Variants in SGCZ observed in about 807,000 individuals in gnomAD.
SGCZ encodes sarcoglycan zeta, also known as zeta-sarcoglycan.
A neutral mutation model predicts 41.3 loss-of-function variants in SGCZ; 40 were observed. The observed-to-expected ratio is 0.97, with a 90% confidence interval of 0.75 to 1.26. The LOEUF (loss-of-function observed/expected upper bound fraction) is 1.26. SGCZ is among the 50% of genes most tolerant of loss of function. The pLI is 0.00. For missense variants in SGCZ, 552 were observed against 369.8 expected, an observed-to-expected ratio of 1.49 and a Z score of -4.04; for synonymous variants, 206 against 137.5, an observed-to-expected ratio of 1.50 and a Z score of -3.49.
chr8:14,202,718 A>G (rs750462081), intron 4 of SGCZ, among the ~76,000 whole-genome samples: 2 of 152,122 alleles, frequency 1.3e-5, no homozygotes, highest in South Asian at 4.1e-4. Flanking sequence ...GTTAAATTGA[A>G]TTCTTTTTTG....
At chr8:14,906,013 T>C (rs932369658) in intron 1 of SGCZ, among the ~76,000 whole-genome samples, 3 of 152,086 alleles carry the variant, frequency 2.0e-5, no homozygotes, top group Admixed American at 2.0e-4. Context: ...ATTACAAATA[T>C]ATAAAGTATA....
chr8:14,610,039 A>G (rs1805876519), intron 1 of SGCZ, among the ~76,000 whole-genome samples: 1 of 152,196 alleles, frequency 6.6e-6, no homozygotes, highest in Non-Finnish European at 1.5e-5. Context: ...TATTTAAATC[A>G]ATTGATATTA....
intron 1 of SGCZ, among the ~76,000 whole-genome samples, chr8:15,218,090 A>T (rs1801476624): frequency 6.6e-6 from 1 of 152,200 alleles, no homozygotes; most frequent in Non-Finnish European, 1.5e-5. Context: ...AAATACATGT[A>T]TTTTAATAAA....
intron 5 of SGCZ, among the ~76,000 whole-genome samples, chr8:14,147,143 C>T (rs528096651): frequency 1.7e-3 from 255 of 151,778 alleles, no homozygotes; most frequent in African/African-American, 5.9e-3. Flanking sequence ...AAACAAGAAA[C>T]GAAGTCATAT....
At chr8:14,838,139 G>A (rs535753539) in intron 1 of SGCZ, among the ~76,000 whole-genome samples, 13 of 152,146 alleles carry the variant, frequency 8.5e-5, no homozygotes, top group Non-Finnish European at 1.8e-4. Context: ...AGAGAGAGTA[G>A]AATGATGGTT....
chr8:14,947,681 G>A (rs1405568521), intron 1 of SGCZ, among the ~76,000 whole-genome samples: 1 of 152,132 alleles, frequency 6.6e-6, no homozygotes, highest in Non-Finnish European at 1.5e-5. Flanking sequence ...TATTCACTGT[G>A]TTTAATCCAT....
At chr8:15,121,178 C>CTT (rs550410966) in intron 1 of SGCZ, among the ~76,000 whole-genome samples, 114 of 152,304 alleles carry the variant, frequency 7.5e-4, no homozygotes, top group African/African-American at 2.7e-3. Flanking sequence ...GGTGAGCCAT[C>CTT]TTTTCAAAGG....
intron 1 of SGCZ, among the ~76,000 whole-genome samples, chr8:14,562,760 T>G (rs1804244436): frequency 6.6e-6 from 1 of 152,100 alleles, no homozygotes; most frequent in Non-Finnish European, 1.5e-5. Flanking sequence ...GGTCTTGTAT[T>G]GCAGTATTAA....
At chr8:14,463,228 T>A (rs1306433902) in intron 2 of SGCZ, among the ~76,000 whole-genome samples, 1 of 151,260 alleles carries the variant, frequency 6.6e-6, no homozygotes, top group Admixed American at 6.6e-5. Flanking sequence ...TAGAATGGAA[T>A]CTCATGAGAG....
intron 1 of SGCZ, among the ~76,000 whole-genome samples, chr8:14,625,225 A>T (rs2117381456): frequency 6.6e-6 from 1 of 152,270 alleles, no homozygotes; most frequent in Non-Finnish European, 1.5e-5. Context: ...ATTTTTTAAC[A>T]TACTACAATA....
intron 1 of SGCZ, among the ~76,000 whole-genome samples, chr8:14,930,857 C>A (rs946397128): frequency 3.3e-5 from 5 of 151,724 alleles, no homozygotes; most frequent in South Asian, 2.1e-4. Flanking sequence ...GGATGGATAG[C>A]ATTGGGAGAA....
At position 14,610,193 on chromosome 8, in the gene SGCZ, T is replaced by A. The variant is rs148113433; in HGVS notation, c.40-55267A>T. Among the ~76,000 whole-genome samples, 636 of 152,232 alleles carry A rather than the reference T, an allele frequency of 4.2e-3. 7 individuals carry two copies. Among genetic ancestry groups the A allele is most frequent in the African/African-American group, 0.015 (616 of 41,536 alleles). On this transcript the variant is annotated intron_variant, in intron 1 of 7. Coordinates refer to ENST00000382080, the MANE Select transcript of SGCZ (RefSeq NM_139167.4). ...TGGCAGAATAAGTGGCCCCAACCTA[T>A]ATTACATTGTTACAAGAATCACCTT...
chr8:14,750,800 C>T (rs1028351873), intron 1 of SGCZ, among the ~76,000 whole-genome samples: 1 of 152,130 alleles, frequency 6.6e-6, no homozygotes, highest in Admixed American at 6.5e-5. Flanking sequence ...CCGTACAAAG[C>T]AAAATAGTTT....
intron 1 of SGCZ, among the ~76,000 whole-genome samples, chr8:15,057,285 T>A (rs1804748651): frequency 6.6e-6 from 1 of 152,174 alleles, no homozygotes; most frequent in African/African-American, 2.4e-5. Flanking sequence ...AAAAGTGCCA[T>A]CTGAGGAAGA....
chr8:15,169,654 G>C (rs1485003221), intron 1 of SGCZ, among the ~76,000 whole-genome samples: 2 of 152,300 alleles, frequency 1.3e-5, no homozygotes, highest in East Asian at 1.9e-4. Context: ...GAGACTTGAA[G>C]TCTGGGATCA....
intron 4 of SGCZ, among the ~76,000 whole-genome samples, chr8:14,191,192 AT>A (rs906336159): frequency 4.0e-5 from 6 of 151,122 alleles, no homozygotes; most frequent in Admixed American, 2.6e-4. Context: ...TGGGTTATTC[AT>A]TTTTTTTCTT....
intron 1 of SGCZ, among the ~76,000 whole-genome samples, chr8:14,752,195 A>G (rs1799523181): frequency 6.6e-6 from 1 of 150,914 alleles, no homozygotes; most frequent in African/African-American, 2.4e-5. Flanking sequence ...GCATCATTAA[A>G]TCTCCTTTAC....
intron 1 of SGCZ, among the ~76,000 whole-genome samples, chr8:14,630,039 G>T (rs1912471): frequency 1.3e-5 from 2 of 151,608 alleles, no homozygotes; most frequent in African/African-American, 4.8e-5. Flanking sequence ...GATATATTAG[G>T]GAAAAAAATG....
intron 3 of SGCZ, among the ~76,000 whole-genome samples, chr8:14,288,481 T>C (rs1800720861): frequency 6.6e-6 from 1 of 152,068 alleles, no homozygotes; most frequent in Non-Finnish European, 1.5e-5. Context: ...CTGCTCTCCA[T>C]CTCCACGGCT....
Sources: gnomAD v4.1 joint callset for allele counts (sites outside exome capture counted in the v4.1 genomes callset) on GRCh38, gnomAD v4.1.1 for gene constraint, MANE v1.5 for transcripts, NCBI Gene and HGNC (gene_info 2026-07-23, HGNC 2026-07-21) for gene names.